Variants in SLC25A42 observed in about 807,000 individuals in gnomAD.
SLC25A42 encodes the protein mitochondrial coenzyme A transporter SLC25A42.
In SLC25A42, 19 loss-of-function variants were observed where a neutral mutation model predicts 34.7. That is an observed-to-expected ratio of 0.55 (90% CI 0.38 to 0.80). SLC25A42 has a LOEUF of 0.80. SLC25A42 is among the 30% of genes least tolerant of loss of function. The probability of loss-of-function intolerance (pLI) is 0.00; values close to 1 mark genes in which losing one functional copy is unlikely to be tolerated. For missense variants in SLC25A42, 364 were observed against 441.3 expected (o/e 0.82, Z 1.57); for synonymous variants, 205 against 191.2 (o/e 1.07, Z -0.59).
At chr19:19,071,623 T>C (rs1170489700) in intron 1 of SLC25A42, among the ~76,000 whole-genome samples, 1 of 152,054 alleles carries the variant, frequency 6.6e-6, no homozygotes, top group Non-Finnish European at 1.5e-5. Context: ...TCCCAGCACT[T>C]TGGGAGGCCG....
At chr19:19,100,411 A>G (rs1197149282) in intron 2 of SLC25A42, among the ~76,000 whole-genome samples, 1 of 152,056 alleles carries the variant, frequency 6.6e-6, no homozygotes, top group Non-Finnish European at 1.5e-5. Context: ...TGTAGGATCT[A>G]GCACCCACCT....
rs191212847 is a variant in SLC25A42 at position 19,092,488 on chromosome 19, G to C, written c.-34-3603G>C. 6.6e-5 allele frequency among the ~76,000 whole-genome samples: 10 copies of C among 152,336 alleles called. No homozygotes were observed. The East Asian group carries it at 1.9e-3, about 29-fold the overall frequency. ...AGTGAAGGATGGTACCATGGGCACTGCAGGCAGCCCTGTCTGGTGGCTCTT... is the reference window on the plus strand; with the variant it reads ...AGTGAAGGATGGTACCATGGGCACTCCAGGCAGCCCTGTCTGGTGGCTCTT... On this transcript the variant is annotated intron_variant, in intron 1 of 7. Coordinates refer to ENST00000318596, the MANE Select transcript of SLC25A42 (RefSeq NM_178526.5).
At chr19:19,091,684 C>T (rs7248651) in intron 1 of SLC25A42, among the ~76,000 whole-genome samples, 117,067 of 151,898 alleles carry the variant, frequency 0.77, 45,695 homozygotes, top group East Asian at 0.91. Context: ...CAAGACCAGC[C>T]TGGGCAACAT....
intron 1 of SLC25A42, among the ~76,000 whole-genome samples, chr19:19,077,681 A>G (rs565843396): frequency 7.9e-5 from 12 of 152,332 alleles, no homozygotes; most frequent in African/African-American, 2.9e-4. Context: ...TGAGGCCAGG[A>G]GTTCGAAACC....
intron 2 of SLC25A42, among the ~76,000 whole-genome samples, chr19:19,101,174 C>T (rs553414544): frequency 1.3e-5 from 2 of 152,240 alleles, no homozygotes; most frequent in African/African-American, 4.8e-5. Flanking sequence ...ACTTGGGCAG[C>T]TCCAGAGGAC....
intron 2 of SLC25A42, among the ~76,000 whole-genome samples, chr19:19,101,470 T>C (rs1046916015): frequency 2.6e-5 from 4 of 152,146 alleles, no homozygotes; most frequent in Admixed American, 2.0e-4. Context: ...ACACAGGCTG[T>C]GGAGGGAACT....
intron 5 of SLC25A42, 142 bp downstream of exon 5, chr19:19,105,869 C>A: frequency 1.4e-6 from 1 of 730,822 alleles, no homozygotes; most frequent in Non-Finnish European, 2.2e-6. Context: ...CACTGGGAGA[C>A]TCCTCACCCA....
At chr19:19,103,046 TCC>T (rs1387035390) in intron 3 of SLC25A42, among the ~76,000 whole-genome samples, 13 of 152,118 alleles carry the variant, frequency 8.5e-5, no homozygotes, top group Non-Finnish European at 5.9e-5. Flanking sequence ...CGTGGCCTTC[TCC>T]CCTGTGTGTC....
intron 1 of SLC25A42, among the ~76,000 whole-genome samples, chr19:19,092,299 C>T (rs2059742207): frequency 1.3e-5 from 2 of 152,224 alleles, no homozygotes; most frequent in Admixed American, 6.5e-5. Context: ...CAGGGGCCAT[C>T]GTTCCACCCC....
At chr19:19,069,306 G>C (rs948597710) in intron 1 of SLC25A42, among the ~76,000 whole-genome samples, 1 of 152,242 alleles carries the variant, frequency 6.6e-6, no homozygotes, top group Admixed American at 6.5e-5. Context: ...CAGCCTGTGA[G>C]GTTCTGGCAG....
At chr19:19,108,108 C>A in intron 7 of SLC25A42, 63 bp downstream of exon 7, 2 of 1,510,458 alleles carry the variant, frequency 1.3e-6, no homozygotes, top group South Asian at 1.3e-5. Flanking sequence ...GACAGCAGCT[C>A]CACCTGGGTC....
intron 1 of SLC25A42, among the ~76,000 whole-genome samples, chr19:19,082,256 C>A (rs529833269): frequency 1.6e-4 from 25 of 152,200 alleles, no homozygotes; most frequent in Admixed American, 1.3e-4. Flanking sequence ...GGAAGAGAAT[C>A]TGTGTCTTTG....
At chr19:19,076,528 G>A (rs973587959) in intron 1 of SLC25A42, among the ~76,000 whole-genome samples, 6 of 152,100 alleles carry the variant, frequency 3.9e-5, no homozygotes, top group African/African-American at 1.4e-4. Context: ...GAAAGAGCAA[G>A]CTGAACACGT....
At chr19:19,071,074 A>G (rs1233583541) in intron 1 of SLC25A42, among the ~76,000 whole-genome samples, 1 of 148,050 alleles carries the variant, frequency 6.8e-6, no homozygotes, top group Non-Finnish European at 1.5e-5. Flanking sequence ...TGGCAAGATC[A>G]CAGCTCACTG....
chr19:19,106,075 C>T lies in SLC25A42; in HGVS notation c.381-194C>T, dbSNP rs2059825791. On this transcript the variant is annotated intron_variant, in intron 5 of 7. Transcript: ENST00000318596. ...CCAGCAGGGGGGAAGGGAAGGCAGC[C>T]ATGTAAACCTCAAAATGAGGCCCAC... 5.2e-6 allele frequency: 3 copies of T among 576,758 alleles called. No homozygotes were observed. The South Asian group carries it at 6.8e-5, about 13-fold the overall frequency. 35.7% of individuals were successfully genotyped at this position (576,758 alleles called of 1,614,324 possible).
At chr19:19,082,894 T>G (rs1022732491) in intron 1 of SLC25A42, among the ~76,000 whole-genome samples, 5 of 151,944 alleles carry the variant, frequency 3.3e-5, no homozygotes, top group Non-Finnish European at 5.9e-5. Flanking sequence ...CTCAGCTCAC[T>G]GCAACCTCTG....
intron 6 of SLC25A42, 46 bp from the exon 7 acceptor site, chr19:19,107,848 C>G (rs1454729138): frequency 6.8e-6 from 11 of 1,608,874 alleles, no homozygotes; most frequent in Non-Finnish European, 8.5e-6. Flanking sequence ...CCTCCCTGTG[C>G]CTGGGAGGCC....
At chr19:19,075,863 G>A (rs754530916) in intron 1 of SLC25A42, among the ~76,000 whole-genome samples, 9 of 152,158 alleles carry the variant, frequency 5.9e-5, no homozygotes, top group Non-Finnish European at 1.2e-4. Context: ...CACCCTACTG[G>A]CTTCCCCTCC....
intron 3 of SLC25A42, among the ~76,000 whole-genome samples, chr19:19,103,303 C>A (rs911551539): frequency 6.6e-6 from 1 of 152,054 alleles, no homozygotes; most frequent in Admixed American, 6.6e-5. Flanking sequence ...ACACGTTGGC[C>A]CCGCTGGTCT....
Sources: allele counts gnomAD v4.1 joint callset (sites outside exome capture counted in the v4.1 genomes callset), GRCh38; gene constraint gnomAD v4.1.1; transcripts MANE v1.5; gene names NCBI Gene and HGNC (gene_info 2026-07-23, HGNC 2026-07-21).